RGS12: variants seen among roughly 807,000 people sequenced by gnomAD.
RGS12 encodes regulator of G-protein signaling 12.
Under a neutral mutation model 120.1 loss-of-function variants are expected in RGS12, and 66 were observed. The ratio of observed to expected loss-of-function variants is 0.55; its 90% confidence interval spans 0.45 to 0.67. The LOEUF (loss-of-function observed/expected upper bound fraction) is 0.67, where lower values mean the gene tolerates loss of function less well. Among genes scored for constraint, RGS12 ranks in the 30% least tolerant of loss-of-function variants. The pLI, the probability that RGS12 is intolerant of heterozygous loss-of-function variation, is 0.00. For missense variants in RGS12, 1,859 were observed against 1,957.7 expected (o/e 0.95, Z 0.95); for synonymous variants, 827 against 804.7 (o/e 1.03, Z -0.47).
chr4:3,382,372 A>T (rs1718354963), intron 3 of RGS12, among the ~76,000 whole-genome samples: 1 of 152,078 alleles, frequency 6.6e-6, no homozygotes, highest in African/African-American at 2.4e-5. Flanking sequence ...TCCACTCCTG[A>T]GCACAGACAA....
intron 1 of RGS12, among the ~76,000 whole-genome samples, chr4:3,313,289 A>G (rs114678018): frequency 0.021 from 3,250 of 152,264 alleles, 92 homozygotes; most frequent in African/African-American, 0.064. Flanking sequence ...TTTGGAAGAG[A>G]AAGCCGAGAG....
At chr4:3,400,068 G>C (rs768855108) in intron 4 of RGS12, among the ~76,000 whole-genome samples, 28 of 152,180 alleles carry the variant, frequency 1.8e-4, no homozygotes, top group African/African-American at 4.8e-5. Flanking sequence ...TTCCACAAGG[G>C]GGGGCAACAA....
intron 1 of RGS12, 130 bp downstream of exon 1, chr4:3,293,229 C>G (rs1377273125): frequency 6.8e-6 from 1 of 146,312 alleles, no homozygotes; most frequent in Non-Finnish European, 1.5e-5. Flanking sequence ...CGGCGCCCGT[C>G]CCCTCGGGGT....
intron 14 of RGS12, 130 bp from the exon 15 acceptor site, chr4:3,427,960 T>G (rs1164614314): frequency 5.8e-6 from 5 of 858,606 alleles, no homozygotes; most frequent in Non-Finnish European, 2.0e-6. Context: ...CTGTGCGTGG[T>G]GAATAAGGGC....
At chr4:3,392,508 TTTC>T (rs1342882779) in intron 4 of RGS12, among the ~76,000 whole-genome samples, 2 of 152,224 alleles carry the variant, frequency 1.3e-5, no homozygotes, top group Admixed American at 6.5e-5. Context: ...CATTTCATTG[TTTC>T]TCTTGCTCTA....
In RGS12 at chr4:3,389,845, A is replaced by C. The variant is rs977904681; in HGVS notation, c.2020+3408A>C. ...GACCCCGGTGCTCCAGCTGCTTCTCAAACACTCCGTTCTCGCAGCCTCACC... is the reference window on the plus strand; with the variant it reads ...GACCCCGGTGCTCCAGCTGCTTCTCCAACACTCCGTTCTCGCAGCCTCACC... On this transcript the variant is annotated intron_variant, in intron 4 of 17. Transcript: ENST00000336727. The surrounding 1 kb of genome is among the most constrained non-coding windows in gnomAD (Gnocchi z 5.2). Among the ~76,000 whole-genome samples, 1 of 152,066 alleles carries C rather than the reference A, an allele frequency of 6.6e-6. No homozygotes were observed. The highest frequency in any genetic ancestry group is 2.4e-5 in the African/African-American group (1 of 41,404).
intron 17 of RGS12, among the ~76,000 whole-genome samples, chr4:3,436,053 G>A (rs912686793): frequency 2.6e-5 from 4 of 152,132 alleles, no homozygotes; most frequent in Admixed American, 6.5e-5. Context: ...AATATTTGAG[G>A]AGCTCTATCC....
intron 8 of RGS12, 95 bp downstream of exon 8, chr4:3,417,187 C>G (rs2109124962): frequency 7.2e-7 from 1 of 1,390,860 alleles, no homozygotes; most frequent in Non-Finnish European, 9.6e-7. Context: ...CTGTCGGCGT[C>G]TTCACCAGTG....
At chr4:3,387,733 C>G (rs1357879141) in intron 4 of RGS12, among the ~76,000 whole-genome samples, 1 of 152,176 alleles carries the variant, frequency 6.6e-6, no homozygotes, top group Non-Finnish European at 1.5e-5. Context: ...TTTGAATGAT[C>G]TGTTCATGCT....
At chr4:3,403,756 C>T (rs532596421) in intron 4 of RGS12, among the ~76,000 whole-genome samples, 6 of 152,338 alleles carry the variant, frequency 3.9e-5, no homozygotes, top group South Asian at 2.1e-4. Context: ...CTCCTTCCTC[C>T]GCAAGCCAGC....
At chr4:3,301,469 G>A (rs1229663451) in intron 1 of RGS12, among the ~76,000 whole-genome samples, 2 of 152,248 alleles carry the variant, frequency 1.3e-5, no homozygotes, top group Non-Finnish European at 2.9e-5. Flanking sequence ...ATCACATGTA[G>A]GAGGCTGATT....
intron 3 of RGS12, among the ~76,000 whole-genome samples, chr4:3,368,452 G>GTGTGTGTGGA: frequency 1.1e-5 from 1 of 93,094 alleles, no homozygotes; most frequent in East Asian, 3.8e-4. Flanking sequence ...GTGTGTGTGT[G>GTGTGTGTGGA]GGGTGCCTTT....
At chr4:3,310,138 T>C (rs58688763) in intron 1 of RGS12, among the ~76,000 whole-genome samples, 9 of 23,598 alleles carry the variant, frequency 3.8e-4, no homozygotes, top group East Asian at 1.4e-3. Flanking sequence ...AGCTGGGGCC[T>C]GGGAATGGCA....
intron 10 of RGS12, 126 bp from the exon 11 acceptor site, chr4:3,422,250 T>G (rs997066392): frequency 1.2e-6 from 1 of 839,918 alleles, no homozygotes; most frequent in Admixed American, 2.7e-5. Context: ...GAGCTGCAGG[T>G]GGGACCGTGG....
intron 2 of RGS12, among the ~76,000 whole-genome samples, chr4:3,326,536 C>T (rs965490496): frequency 2.0e-5 from 3 of 152,214 alleles, no homozygotes; most frequent in Non-Finnish European, 2.9e-5. Flanking sequence ...GCCACCGCCC[C>T]TGGCTAGATG....
intron 4 of RGS12, among the ~76,000 whole-genome samples, chr4:3,401,185 T>C (rs1720542604): frequency 6.6e-6 from 1 of 152,158 alleles, no homozygotes; most frequent in Non-Finnish European, 1.5e-5. Context: ...GCTTTAAAAA[T>C]TCGACAGACC....
At chr4:3,428,753 A>G (rs778597753) in intron 16 of RGS12, 42 bp downstream of exon 16, 7 of 1,531,090 alleles carry the variant, frequency 4.6e-6, no homozygotes, top group Admixed American at 2.0e-5. Flanking sequence ...TAGTAAATGC[A>G]CAGTTAGTTT....
At chr4:3,394,418 C>T (rs1719843944) in intron 4 of RGS12, among the ~76,000 whole-genome samples, 1 of 152,188 alleles carries the variant, frequency 6.6e-6, no homozygotes, top group African/African-American at 2.4e-5. Context: ...CCACCTTGGC[C>T]TCCCAAAGTG....
At chr4:3,357,293 A>G (rs1321992366) in intron 3 of RGS12, among the ~76,000 whole-genome samples, 1 of 152,166 alleles carries the variant, frequency 6.6e-6, no homozygotes, top group Non-Finnish European at 1.5e-5. Flanking sequence ...CCCATATCAG[A>G]TACGTGATTT....
Sources: allele counts gnomAD v4.1 joint callset (sites outside exome capture counted in the v4.1 genomes callset), GRCh38; gene constraint gnomAD v4.1.1; non-coding constraint Gnocchi (gnomAD v3.1); transcripts MANE v1.5; gene names NCBI Gene and HGNC (gene_info 2026-07-23, HGNC 2026-07-21).